THBS1: variants seen among roughly 807,000 people sequenced by gnomAD.
The protein encoded by THBS1 is thrombospondin-1.
THBS1 carries 29 observed loss-of-function variants against 126.1 expected under a neutral mutation model. That is an observed-to-expected ratio of 0.23 (90% CI 0.17 to 0.31). The LOEUF (loss-of-function observed/expected upper bound fraction) is 0.31, where lower values mean the gene tolerates loss of function less well. Among genes scored for constraint, THBS1 ranks in the 10% least tolerant of loss-of-function variants. The pLI, the probability that THBS1 is intolerant of heterozygous loss-of-function variation, is 1.00. For missense variants in THBS1, 1,198 were observed against 1,545.2 expected (o/e 0.78, Z 3.77); for synonymous variants, 496 against 577.8 (o/e 0.86, Z 2.03).
In THBS1 at chr15:39,589,293, C is replaced by A. The variant is rs762740329; in HGVS notation, c.1865C>A (p.Pro622Gln). Residue 622 changes from proline (P) to glutamine (Q), a missense_variant, in exon 12 of 22, where the codon CCA becomes CAA. Physicochemically the swap from Pro to Gln is moderately conservative, Grantham distance 76. Around this residue, in one of 4 missense-constraint regions of THBS1, gnomAD observed 663 missense variants for 860.1 expected, o/e 0.77. Coordinates refer to ENST00000260356, the MANE Select transcript of THBS1 (RefSeq NM_003246.4). This position sits in a 1 kb window ranked among gnomAD's most constrained non-coding sequence, Gnocchi z 4.7. ...DPGYNCLPCP[P>Q]RFTGSQPFGQ... ...GGCTACAACTGCCTGCCCTGCCCCCCACGCTTCACCGGCTCACAGCCCTTC... is the reference window on the plus strand; with the variant it reads ...GGCTACAACTGCCTGCCCTGCCCCCAACGCTTCACCGGCTCACAGCCCTTC... 7.0e-5 allele frequency: 113 copies of A among 1,614,046 alleles called. 2 individuals are homozygous for A. The South Asian group carries it at 9.8e-4, about 14-fold the overall frequency.
rs59272325 is a variant in THBS1, at chr15:39,589,906, C to T, written c.2028C>T (p.Cys676=). 6.0e-4 allele frequency: 974 copies of T among 1,614,164 alleles called. 2 individuals carry two copies. In the African/African-American group the frequency reaches 9.6e-3, roughly 16 times the overall value. The change falls in exon 13 of 22, where the codon TGC becomes TGT. Residue 676 remains cysteine (C), a synonymous_variant. Coordinates refer to ENST00000260356, the MANE Select transcript of THBS1 (RefSeq NM_003246.4). The surrounding 1 kb of genome is among the most constrained non-coding windows in gnomAD (Gnocchi z 4.7). The stretch of plus-strand genomic sequence containing the variant: ...ACTATAGCGACCCCATGTACCGCTG[C>T]GAGTGCAAGCCTGGCTACGCTGGCA... ...LGHYSDPMYR[C]ECKPGYAGNG... is the part of the protein sequence containing the mutation.
At chr15:39,588,243 G>A (rs765439096) in intron 9 of THBS1, 25 bp downstream of exon 9, 7 of 1,607,260 alleles carry the variant, frequency 4.4e-6, no homozygotes, top group Non-Finnish European at 5.9e-6. Flanking sequence ...CGCTGCAAGG[G>A]TGAGCATGGG....
chr15:39,596,793 A>G lies in THBS1; in HGVS notation c.*1424A>G, dbSNP rs1345980393. 6.6e-6 allele frequency: 1 copy of G among 152,264 alleles called. No individual in the cohort carries two copies. The highest frequency in any genetic ancestry group is 1.5e-5 in the Non-Finnish European group (1 of 68,046). The allele number at this position is 152,264 out of a possible 1,614,324, so 9.4% of individuals were successfully genotyped here. A position where few individuals can be genotyped will look rare whatever the true frequency, so the allele number is the denominator to read the frequency against. On this transcript the variant is annotated 3_prime_UTR_variant, in exon 22 of 22. Transcript: ENST00000260356. ...TACTGTTTTACCCCATCCCTTGTGC[A>G]TATTTCCAGGGAGAAGGAAAGCATA...
chr15:39,588,503 G>C, intron 9 of THBS1, 23 bp from the exon 10 acceptor site: 1 of 1,530,338 alleles, frequency 6.5e-7, no homozygotes, highest in Non-Finnish European at 8.8e-7. Context: ...CTTAATTGTT[G>C]CCTGTGGTTC....
In THBS1 at chr15:39,582,406, T is replaced by C; in HGVS notation, c.281T>C (p.Leu94Pro). Residue 94 changes from leucine to proline, a missense_variant, in exon 3 of 22, where the codon CTG becomes CCG. By Grantham distance (98) the Leu-to-Pro change is moderately conservative. Around this residue, in one of 4 missense-constraint regions of THBS1, gnomAD observed 271 missense variants for 277.0 expected, o/e 0.98. Coordinates refer to ENST00000260356, the MANE Select transcript of THBS1 (RefSeq NM_003246.4). Reference protein sequence around the residue: ...AEKGFLLLASLRQMKKTRGTL... With the variant: ...AEKGFLLLASPRQMKKTRGTL... ...AAGGGTTTCCTCCTTCTGGCATCCC[T>C]GAGGCAGATGAAGAAGACCCGGGGC... The C allele has an allele frequency of 6.2e-7, 1 of 1,614,090 alleles. No homozygotes were observed. Among genetic ancestry groups the C allele is most frequent in the Non-Finnish European group, 8.5e-7 (1 of 1,179,972 alleles).
rs1214423722 is a variant in THBS1 at position 39,581,825 on chromosome 15, A to G, written c.-29-4A>G. 6.2e-7 allele frequency: 1 copy of G among 1,603,916 alleles called. No individual in the cohort carries two copies. Among genetic ancestry groups the G allele is most frequent in the Non-Finnish European group, 8.5e-7 (1 of 1,171,334 alleles). ...ACCCTCGGCTCTTGTGCTTCCTGCTACAGGATCCCTGCTGGGCACCAACAG... is the reference window on the plus strand; with the variant it reads ...ACCCTCGGCTCTTGTGCTTCCTGCTGCAGGATCCCTGCTGGGCACCAACAG... On this transcript the variant is annotated splice_polypyrimidine_tract_variant and splice_region_variant and intron_variant, in intron 1 of 21. Transcript: ENST00000260356.
rs768048084 is a variant in THBS1, at chr15:39,582,185, TCTA to T, written c.68-7_68-5del. On this transcript the variant is annotated splice_region_variant and splice_polypyrimidine_tract_variant and intron_variant, in intron 2 of 21. Transcript: ENST00000260356. ...AAAGCTCACTTTGTGTTCTCTCCTG[TCTA>T]ACAGAGTCTGGCGGAGACAACAGCG... 6.3e-7 allele frequency: 1 copy of T among 1,588,440 alleles called. No homozygotes were observed. The highest frequency in any genetic ancestry group is 2.2e-5 in the East Asian group (1 of 44,680).
chr15:39,588,851 C>T (rs998840206), intron 10 of THBS1, 108 bp from the exon 11 acceptor site: 11 of 1,596,138 alleles, frequency 6.9e-6, no homozygotes, highest in African/African-American at 2.7e-5. Flanking sequence ...AACAAGTTAT[C>T]GGTTCCCTAT....
intron 3 of THBS1, 26 bp downstream of exon 3, chr15:39,582,778 T>A: frequency 6.3e-7 from 1 of 1,576,956 alleles, no homozygotes; most frequent in South Asian, 1.2e-5. Flanking sequence ...TGAGCCCTGC[T>A]CCGTGGGATC....
chr15:39,591,756 G>A, intron 16 of THBS1, 133 bp downstream of exon 16: 1 of 794,962 alleles, frequency 1.3e-6, no homozygotes, highest in Non-Finnish European at 2.2e-6. Flanking sequence ...ATAGCCAACT[G>A]GAATACGTTC....
chr15:39,586,543 TATGACA>T (rs1171447565), intron 7 of THBS1: 1 of 152,234 alleles, frequency 6.6e-6, no homozygotes, highest in Non-Finnish European at 1.5e-5. Flanking sequence ...GCTGTCCTCT[TATGACA>T]ATATGTGCAG....
Position 39,597,279 on chromosome 15 carries a change from T to TG in THBS1, c.*1911dup, listed in dbSNP as rs1566843888. On this transcript the variant is annotated 3_prime_UTR_variant, in exon 22 of 22. Transcript: ENST00000260356. ...TGTTGGTTTTTTCTTTTTTTTGTTTTGTTTTTTTTTTTTTTTTTTTTTGCT... is the reference window on the plus strand; with the variant it reads ...TGTTGGTTTTTTCTTTTTTTTGTTTTGGTTTTTTTTTTTTTTTTTTTTTGCT... 1 of 144,462 alleles carries TG rather than the reference T, an allele frequency of 6.9e-6. No homozygotes were observed. Among genetic ancestry groups the TG allele is most frequent in the African/African-American group, 2.6e-5 (1 of 37,874 alleles). The allele number at this position is 144,462 out of a possible 1,614,324, so 8.9% of individuals were successfully genotyped here. A position where few individuals can be genotyped will look rare whatever the true frequency, so the allele number is the denominator to read the frequency against.
Position 39,591,627 on chromosome 15 carries a change from G to C in THBS1, c.2532+4G>C, listed in dbSNP as rs769548673. On this transcript the variant is annotated splice_donor_region_variant and intron_variant, in intron 16 of 21. Coordinates refer to ENST00000260356, the MANE Select transcript of THBS1 (RefSeq NM_003246.4). ...CTTGGAACACAATCCGGATCAGGTA[G>C]GTGGATGGACTCCTTTCAGAGTCTT... The C allele has an allele frequency of 4.3e-6, 7 of 1,611,808 alleles. No individual in the cohort carries two copies. Among genetic ancestry groups the C allele is most frequent in the African/African-American group, 1.3e-5 (1 of 74,880 alleles).
rs577887486 is a variant in THBS1, at chr15:39,587,597, T to C, written c.1294+77T>C. On this transcript the variant is annotated intron_variant, in intron 8 of 21. Coordinates refer to ENST00000260356, the MANE Select transcript of THBS1 (RefSeq NM_003246.4). ...CGTCACCAAGGGCAGCTCCACAGCATGTATATTAAGAACACGGGTTCTAGG... is the reference window on the plus strand; with the variant it reads ...CGTCACCAAGGGCAGCTCCACAGCACGTATATTAAGAACACGGGTTCTAGG... The C allele has an allele frequency of 6.5e-5, 93 of 1,430,808 alleles. No homozygotes were observed. The African/African-American group carries it at 1.3e-3, about 19-fold the overall frequency. 88.6% of individuals were successfully genotyped at this position (1,430,808 alleles called of 1,614,324 possible).
rs1275578374 is a variant in THBS1 at position 39,591,375 on chromosome 15, C to A, written c.2413+25C>A. On this transcript the variant is annotated intron_variant, in intron 15 of 21. Transcript: ENST00000260356. ...GGTAAGGTGCTGCCTGATCAGAGGG[C>A]CCGCGGGAGACAGGGACATGCACAG... 6 of 1,602,988 alleles carry A rather than the reference C, an allele frequency of 3.7e-6. No homozygotes were observed. In the African/African-American group the frequency reaches 5.4e-5, roughly 14 times the overall value.
At position 39,589,878 on chromosome 15, in the gene THBS1, G is replaced by A; in HGVS notation, c.2000G>A (p.Gly667Asp). 6.2e-7 allele frequency: 1 copy of A among 1,614,174 alleles called. No homozygotes were observed. The highest frequency in any genetic ancestry group is 8.5e-7 in the Non-Finnish European group (1 of 1,180,040). The change falls in exon 13 of 22, where the codon GGC becomes GAC. Residue 667 changes from glycine to aspartate, a missense_variant. By Grantham distance (94) the Gly-to-Asp change is moderately conservative. This residue lies in a region of THBS1 where 663 missense variants were observed against 860.1 expected (regional missense o/e 0.77). Transcript: ENST00000260356. This position sits in a 1 kb window ranked among gnomAD's most constrained non-coding sequence, Gnocchi z 4.7. ...CNKNAKCNYL[G>D]HYSDPMYRCE... ...AAGAACGCCAAGTGCAACTACCTGG[G>A]CCACTATAGCGACCCCATGTACCGC...
intron 6 of THBS1, 124 bp downstream of exon 6, chr15:39,584,546 T>A: frequency 7.4e-7 from 1 of 1,346,458 alleles, no homozygotes; most frequent in Non-Finnish European, 1.0e-6. Flanking sequence ...ACAAAGTGTT[T>A]TTTTTTTCTT....
chr15:39,598,849 T>A lies in THBS1; in HGVS notation c.*3480T>A, dbSNP rs1890543164. On this transcript the variant is annotated 3_prime_UTR_variant, in exon 22 of 22. Transcript: ENST00000260356. ...TTTTTTTTTTCTAAAGAGTCACATG[T>A]AGAAAAGCCTCCAGTATTAAGCTCC... 1 of 152,124 alleles carries A rather than the reference T, an allele frequency of 6.6e-6. No homozygotes were observed. Among genetic ancestry groups the A allele is most frequent in the African/African-American group, 2.4e-5 (1 of 41,426 alleles). The allele number at this position is 152,124 out of a possible 1,614,324, so 9.4% of individuals were successfully genotyped here. A position where few individuals can be genotyped will look rare whatever the true frequency, so the allele number is the denominator to read the frequency against.
Position 39,594,862 on chromosome 15 carries a change from G to A in THBS1, c.3505+422G>A, listed in dbSNP as rs1304707582. Among the ~76,000 whole-genome samples the A allele has an allele frequency of 1.3e-5, 2 of 152,158 alleles. No homozygotes were observed. Among genetic ancestry groups the A allele is most frequent in the South Asian group, 4.2e-4 (2 of 4,808 alleles). On this transcript the variant is annotated intron_variant, in intron 21 of 21. Transcript: ENST00000260356. This position sits in a 1 kb window ranked among gnomAD's most constrained non-coding sequence, Gnocchi z 4.4. ...GGGAGAGGAATGTTGCTTTCATATTGGCATGTTAAATTAATGTTCACTATT... is the reference window on the plus strand; with the variant it reads ...GGGAGAGGAATGTTGCTTTCATATTAGCATGTTAAATTAATGTTCACTATT...
Sources: allele counts gnomAD v4.1 joint callset (sites outside exome capture counted in the v4.1 genomes callset), GRCh38; gene constraint gnomAD v4.1.1; regional missense constraint gnomAD v4.1.1; non-coding constraint Gnocchi (gnomAD v3.1); transcripts MANE v1.5; gene names NCBI Gene and HGNC (gene_info 2026-07-23, HGNC 2026-07-21).